PDS5B: variants seen among roughly 807,000 people sequenced by gnomAD.
The protein encoded by PDS5B is sister chromatid cohesion protein PDS5 homolog B.
In PDS5B, 51 loss-of-function variants were observed where a neutral mutation model predicts 184.1. The observed-to-expected ratio is 0.28, with a 90% CI of 0.22 to 0.35. The LOEUF is 0.35. Ranked by LOEUF, PDS5B falls within the 10% of genes least tolerant of loss-of-function variation. The probability of loss-of-function intolerance (pLI) is 1.00; values close to 1 mark genes in which losing one functional copy is unlikely to be tolerated. For synonymous variants in PDS5B, 566 were observed against 569.2 expected, an observed-to-expected ratio of 0.99 and a Z score of 0.08; for missense variants, 1,180 against 1,723.3, an observed-to-expected ratio of 0.68 and a Z score of 5.58.
At chr13:32,669,931 C>T (rs1188425705) in intron 7 of PDS5B, among the ~76,000 whole-genome samples, 1 of 152,066 alleles carries the variant, frequency 6.6e-6, no homozygotes, top group African/African-American at 2.4e-5. Context: ...TTCTAGTGGA[C>T]TTAATCGTCT....
intron 1 of PDS5B, among the ~76,000 whole-genome samples, chr13:32,646,682 G>A (rs1292232434): frequency 6.6e-6 from 1 of 151,228 alleles, no homozygotes. Flanking sequence ...TGTCTTTTAA[G>A]GTGTTTATGT....
chr13:32,701,666 ATTC>A (rs1341371163), intron 17 of PDS5B, among the ~76,000 whole-genome samples: 1 of 151,898 alleles, frequency 6.6e-6, no homozygotes, highest in Non-Finnish European at 1.5e-5. Context: ...ATTTGTTGTT[ATTC>A]TTGTTATTTA....
intron 19 of PDS5B, among the ~76,000 whole-genome samples, chr13:32,718,348 C>T (rs549078689): frequency 1.3e-4 from 20 of 152,174 alleles, no homozygotes; most frequent in East Asian, 3.9e-4. Context: ...GACGGGGTTT[C>T]GCTGTGTTAG....
At chr13:32,645,961 C>G (rs147187285) in intron 1 of PDS5B, among the ~76,000 whole-genome samples, 2 of 151,570 alleles carry the variant, frequency 1.3e-5, no homozygotes, top group South Asian at 2.1e-4. Flanking sequence ...TGTCTGGCTT[C>G]TTTCACTTTG....
chr13:32,694,768 T>A (rs1050895795), intron 14 of PDS5B, among the ~76,000 whole-genome samples: 4 of 151,794 alleles, frequency 2.6e-5, no homozygotes, highest in Non-Finnish European at 5.9e-5. Context: ...TACCTAGTAT[T>A]TATAATGTAA....
intron 1 of PDS5B, among the ~76,000 whole-genome samples, chr13:32,625,518 C>T (rs948825905): frequency 6.6e-6 from 1 of 152,086 alleles, no homozygotes; most frequent in Non-Finnish European, 1.5e-5. Context: ...TTGTGCACCT[C>T]TTTTGGACTA....
chr13:32,758,399 C>G, intron 27 of PDS5B, 135 bp from the exon 28 acceptor site: 1 of 985,932 alleles, frequency 1.0e-6, no homozygotes, highest in Non-Finnish European at 1.5e-6. Context: ...GTAGTGTAAG[C>G]TAAGATGCTT....
chr13:32,693,615 G>C (rs542416060), intron 13 of PDS5B, among the ~76,000 whole-genome samples: 7 of 150,454 alleles, frequency 4.7e-5, no homozygotes, highest in African/African-American at 1.7e-4. Context: ...TAATTGTGTG[G>C]CTCTAATCTG....
chr13:32,635,170 G>GTTTTTTTTTTTTT (rs71071054), intron 1 of PDS5B, among the ~76,000 whole-genome samples: 1 of 81,120 alleles, frequency 1.2e-5, no homozygotes, highest in Non-Finnish European at 2.5e-5. Context: ...AGCCAATTAC[G>GTTTTTTTTTTTTT]TTTTTTTTTT....
intron 1 of PDS5B, among the ~76,000 whole-genome samples, chr13:32,599,344 A>G (rs2057935787): frequency 1.3e-5 from 2 of 151,112 alleles, no homozygotes; most frequent in Admixed American, 6.6e-5. Flanking sequence ...GCTCACTGCA[A>G]CCTCTGCCTC....
chr13:32,625,394 C>G (rs1241479139), intron 1 of PDS5B, among the ~76,000 whole-genome samples: 1 of 152,106 alleles, frequency 6.6e-6, no homozygotes, highest in Non-Finnish European at 1.5e-5. Flanking sequence ...TTTAGTTTTA[C>G]ATATACAAAT....
At chr13:32,619,410 G>T (rs887854732) in intron 1 of PDS5B, among the ~76,000 whole-genome samples, 1 of 152,030 alleles carries the variant, frequency 6.6e-6, no homozygotes, top group African/African-American at 2.4e-5. Flanking sequence ...GTAACACAAT[G>T]GTATTTGCAT....
At chr13:32,687,709 C>T (rs774274130) in intron 12 of PDS5B, among the ~76,000 whole-genome samples, 1 of 152,058 alleles carries the variant, frequency 6.6e-6, no homozygotes, top group Non-Finnish European at 1.5e-5. Context: ...AACACATTAT[C>T]TGAATATAAT....
chr13:32,749,216 G>A (rs955384718), intron 24 of PDS5B, among the ~76,000 whole-genome samples: 8 of 152,018 alleles, frequency 5.3e-5, no homozygotes, highest in Non-Finnish European at 1.0e-4. Context: ...GTACTTTGCT[G>A]CCTTTAATTT....
intron 3 of PDS5B, 94 bp from the exon 4 acceptor site, chr13:32,658,145 G>C (rs1288101187): frequency 1.5e-6 from 1 of 671,728 alleles, no homozygotes; most frequent in Admixed American, 3.1e-5. Context: ...ATTATGATAT[G>C]TACACATGAG....
chr13:32,763,788 C>T (rs973109466), intron 30 of PDS5B, among the ~76,000 whole-genome samples: 1 of 152,128 alleles, frequency 6.6e-6, no homozygotes, highest in Non-Finnish European at 1.5e-5. Flanking sequence ...GTTTTGGCTA[C>T]ATTAAAGATC....
chr13:32,601,690 C>T (rs2057976947), intron 1 of PDS5B, among the ~76,000 whole-genome samples: 1 of 152,208 alleles, frequency 6.6e-6, no homozygotes, highest in Non-Finnish European at 1.5e-5. Flanking sequence ...ATAGATAGGG[C>T]TGTTGGACAT....
intron 13 of PDS5B, chr13:32,691,292 T>A (rs1951542288): frequency 6.6e-6 from 1 of 152,080 alleles, no homozygotes; most frequent in Non-Finnish European, 1.5e-5. Context: ...TTTTTTCTAT[T>A]CTATTTCCAA....
intron 6 of PDS5B, among the ~76,000 whole-genome samples, chr13:32,660,745 G>T (rs753796746): frequency 6.6e-5 from 10 of 152,304 alleles, no homozygotes; most frequent in South Asian, 4.1e-4. Context: ...TGGCCTTGTT[G>T]TAGGGAGAGG....
Sources: gnomAD v4.1 joint callset for allele counts (sites outside exome capture counted in the v4.1 genomes callset) on GRCh38, gnomAD v4.1.1 for gene constraint, MANE v1.5 for transcripts, NCBI Gene and HGNC (gene_info 2026-07-23, HGNC 2026-07-21) for gene names.